CEP112: variants seen among roughly 807,000 people sequenced by gnomAD.
CEP112 encodes the protein centrosomal protein of 112 kDa.
In CEP112, 127 loss-of-function variants were observed where a neutral mutation model predicts 153.0. That is an observed-to-expected ratio of 0.83 (90% CI 0.72 to 0.96). The LOEUF (loss-of-function observed/expected upper bound fraction) is 0.96, where lower values mean the gene tolerates loss of function less well. Among genes scored for constraint, CEP112 ranks in the 40% least tolerant of loss-of-function variants. The pLI is 0.00. For missense variants in CEP112, 1,089 were observed against 1,101.2 expected (o/e 0.99, Z 0.16); for synonymous variants, 358 against 374.4 (o/e 0.96, Z 0.51).
chr17:66,126,545 T>C (rs1253077078), intron 6 of CEP112, among the ~76,000 whole-genome samples: 1 of 151,928 alleles, frequency 6.6e-6, no homozygotes, highest in Non-Finnish European at 1.5e-5. Context: ...GTAAAAAATA[T>C]ATTGAGAAAG....
intron 24 of CEP112, among the ~76,000 whole-genome samples, chr17:65,669,419 G>A (rs985267047): frequency 7.9e-5 from 12 of 152,158 alleles, no homozygotes; most frequent in African/African-American, 7.2e-5. Context: ...ATAGCCTGGC[G>A]ATAACAATTT....
At chr17:66,154,476 C>T (rs946127121) in intron 4 of CEP112, among the ~76,000 whole-genome samples, 1 of 152,118 alleles carries the variant, frequency 6.6e-6, no homozygotes. Flanking sequence ...GATCGTGCCA[C>T]TGCACTCCAG....
At chr17:66,154,997 C>T (rs1280515789) in intron 4 of CEP112, among the ~76,000 whole-genome samples, 1 of 151,832 alleles carries the variant, frequency 6.6e-6, no homozygotes, top group Non-Finnish European at 1.5e-5. Flanking sequence ...CTCCCTCCCT[C>T]TCTCTCTCTC....
intron 20 of CEP112, among the ~76,000 whole-genome samples, chr17:65,859,439 C>CAAAAAAAAAA (rs57675567): frequency 4.3e-5 from 4 of 93,664 alleles, no homozygotes; most frequent in Non-Finnish European, 6.6e-5. Context: ...GACTCCATCT[C>CAAAAAAAAAA]AAAAAAAAAA....
chr17:66,157,531 T>C (rs1477132699), intron 4 of CEP112, among the ~76,000 whole-genome samples: 2 of 152,018 alleles, frequency 1.3e-5, no homozygotes, highest in Non-Finnish European at 2.9e-5. Context: ...CATAACAATA[T>C]TAACCTTAAA....
At chr17:65,760,983 TTG>T (rs2052581005) in intron 21 of CEP112, among the ~76,000 whole-genome samples, 1 of 152,110 alleles carries the variant, frequency 6.6e-6, no homozygotes, top group African/African-American at 2.4e-5. Flanking sequence ...TTTTGGCAGA[TTG>T]TGTTTTTGGC....
At chr17:66,040,254 T>A (rs374907144) in intron 12 of CEP112, among the ~76,000 whole-genome samples, 2 of 152,182 alleles carry the variant, frequency 1.3e-5, no homozygotes, top group South Asian at 4.1e-4. Flanking sequence ...GCCCTTTTTG[T>A]AGGTATGTAG....
intron 17 of CEP112, among the ~76,000 whole-genome samples, chr17:65,989,704 T>C (rs2063528344): frequency 6.6e-6 from 1 of 152,138 alleles, no homozygotes; most frequent in Non-Finnish European, 1.5e-5. Flanking sequence ...AAATTAAGTA[T>C]ATGAACAAAC....
intron 20 of CEP112, among the ~76,000 whole-genome samples, chr17:65,881,392 C>T (rs1419638910): frequency 7.1e-6 from 1 of 141,414 alleles, no homozygotes; most frequent in Non-Finnish European, 1.6e-5. Context: ...AGAGGCAAAG[C>T]AGAAAACAGG....
intron 18 of CEP112, among the ~76,000 whole-genome samples, chr17:65,947,115 C>G (rs1474715297): frequency 6.6e-6 from 1 of 152,068 alleles, no homozygotes. Context: ...AACAAGCAAA[C>G]ATTTTAAGAA....
chr17:66,155,021 C>T lies in CEP112; in HGVS notation c.470+20023G>A, dbSNP rs190312147. 3.0e-3 allele frequency among the ~76,000 whole-genome samples: 454 copies of T among 152,142 alleles called. 3 individuals carry two copies. Among genetic ancestry groups the T allele is most frequent in the African/African-American group, 0.01 (424 of 41,508 alleles). On this transcript the variant is annotated intron_variant, in intron 4 of 26. Coordinates refer to ENST00000535342, the MANE Select transcript of CEP112 (RefSeq NM_001199165.4). ...TCTCTCTCTCTCTTCTCACTTTCTG[C>T]CATAGGATGATACAACAAGAAGGTC... is the stretch of plus-strand genomic sequence containing the variant.
rs151277011 is a variant in CEP112, at chr17:66,046,129, G to A, written c.1218+7607C>T. Among the ~76,000 whole-genome samples, 62 of 151,720 alleles carry A rather than the reference G, an allele frequency of 4.1e-4. No homozygotes were observed. The East Asian group carries it at 9.3e-3, about 23-fold the overall frequency. The stretch of plus-strand genomic sequence containing the variant: ...GCGATCTCTCCTCACTGCAAGCTCC[G>A]CCTCCTGGGTTCACGCCATCCTCCT... On this transcript the variant is annotated intron_variant, in intron 12 of 26. Coordinates refer to ENST00000535342, the MANE Select transcript of CEP112 (RefSeq NM_001199165.4).
At chr17:65,711,687 T>G (rs72844816) in intron 23 of CEP112, among the ~76,000 whole-genome samples, 3,090 of 152,308 alleles carry the variant, frequency 0.02, 52 homozygotes, top group Non-Finnish European at 0.031. Flanking sequence ...AAAGCATTTG[T>G]GAAGTCAAAA....
chr17:65,920,888 T>A (rs2144060672), intron 19 of CEP112, among the ~76,000 whole-genome samples: 1 of 152,282 alleles, frequency 6.6e-6, no homozygotes, highest in African/African-American at 2.4e-5. Context: ...AACCAAACCA[T>A]GGCATTTTAT....
At chr17:65,791,515 C>A (rs902403644) in intron 21 of CEP112, among the ~76,000 whole-genome samples, 1 of 152,188 alleles carries the variant, frequency 6.6e-6, no homozygotes, top group African/African-American at 2.4e-5. Flanking sequence ...TGATACAAAA[C>A]ACATGATTTC....
At chr17:65,833,179 G>A (rs1338192464) in intron 21 of CEP112, among the ~76,000 whole-genome samples, 5 of 152,034 alleles carry the variant, frequency 3.3e-5, no homozygotes, top group South Asian at 2.1e-4. Flanking sequence ...AAAAACTCTC[G>A]ATAAACCAGG....
intron 21 of CEP112, among the ~76,000 whole-genome samples, chr17:65,844,782 G>A (rs1366360145): frequency 8.0e-5 from 12 of 150,078 alleles, no homozygotes; most frequent in East Asian, 2.0e-4. Flanking sequence ...TTGGGAGGTC[G>A]AGGTGGGCGG....
chr17:66,085,979 C>CAAAA (rs373315539), intron 8 of CEP112, among the ~76,000 whole-genome samples: 3 of 110,102 alleles, frequency 2.7e-5, no homozygotes, highest in African/African-American at 3.7e-5. Context: ...GACTCCGTCT[C>CAAAA]AAAAAAAAAA....
chr17:66,150,450 T>TG (rs1317135298), intron 4 of CEP112, among the ~76,000 whole-genome samples: 1 of 151,982 alleles, frequency 6.6e-6, no homozygotes, highest in African/African-American at 2.4e-5. Context: ...AGGCTGGTCT[T>TG]GAACTCCTGA....
Sources: allele counts gnomAD v4.1 joint callset (sites outside exome capture counted in the v4.1 genomes callset), GRCh38; gene constraint gnomAD v4.1.1; transcripts MANE v1.5; gene names NCBI Gene and HGNC (gene_info 2026-07-23, HGNC 2026-07-21).